Variants in PCDH15 observed in about 807,000 individuals in gnomAD.
PCDH15 encodes protocadherin-15.
PCDH15 carries 129 observed loss-of-function variants against 178.5 expected under a neutral mutation model. The observed-to-expected ratio is 0.72, with a 90% CI of 0.63 to 0.84. The LOEUF (loss-of-function observed/expected upper bound fraction) is 0.84. Ranked by LOEUF, PCDH15 falls within the 40% of genes least tolerant of loss-of-function variation. PCDH15 has a pLI of 0.00. For synonymous variants in PCDH15, 800 were observed against 732.0 expected (o/e 1.09, Z -1.50); for missense variants, 2,230 against 2,099.9 (o/e 1.06, Z -1.21).
intron 21 of PCDH15, among the ~76,000 whole-genome samples, chr10:53,983,181 CAGGAATTACTATAA>C (rs900778331): frequency 2.6e-5 from 4 of 151,748 alleles, no homozygotes; most frequent in South Asian, 2.1e-4. Flanking sequence ...GATTTAACAT[CAGGAATTACTATAA>C]AGGAATTACT....
In PCDH15 at chr10:54,730,198, C is replaced by A. The variant is rs1014909043; in HGVS notation, c.-28-65908G>T. On this transcript the variant is annotated intron_variant, in intron 1 of 37. Transcript: ENST00000644397. ...ATAAAGAAAATGTCATACATATATA[C>A]CATGGAATACTACACAGCCTTAAAT... Among the ~76,000 whole-genome samples the A allele has an allele frequency of 4.6e-5, 7 of 151,526 alleles. No homozygotes were observed. In the Admixed American group the frequency reaches 4.6e-4, roughly 10 times the overall value.
At chr10:55,207,227 A>G (rs1452949486) in intron 1 of PCDH15, among the ~76,000 whole-genome samples, 2 of 152,112 alleles carry the variant, frequency 1.3e-5, no homozygotes, top group Non-Finnish European at 2.9e-5. Context: ...AGCAGGAATA[A>G]GACATATATA....
Position 53,866,800 on chromosome 10 carries a change from G to T in PCDH15, c.3559C>A (p.Pro1187Thr), listed in dbSNP as rs1203212360. The T allele has an allele frequency of 1.2e-6, 2 of 1,613,140 alleles. No homozygotes were observed. Among genetic ancestry groups the T allele is most frequent in the Non-Finnish European group, 1.7e-6 (2 of 1,179,436 alleles). The change falls in exon 27 of 38, where the codon CCA becomes ACA. Residue 1187 changes from proline (P) to threonine (T), a missense_variant. Coordinates refer to ENST00000644397, the MANE Select transcript of PCDH15 (RefSeq NM_001384140.1). The stretch of plus-strand genomic sequence containing the variant: ...AATCCTTCTTTTCCCTCTTTAATTG[G>T]TGGTATTATGAGTCTGTAGGCCATG... ...SVMAYRLIIP[P>T]IKEGKEGFVV...
At chr10:54,857,382 T>C (rs1315955705) in intron 3 of PCDH15, among the ~76,000 whole-genome samples, 1 of 152,170 alleles carries the variant, frequency 6.6e-6, no homozygotes, top group Admixed American at 6.6e-5. Context: ...AGAAATAAAA[T>C]ATAAAATACT....
chr10:54,426,335 A>T (rs1308172592), intron 3 of PCDH15, among the ~76,000 whole-genome samples: 1 of 152,184 alleles, frequency 6.6e-6, no homozygotes, highest in Non-Finnish European at 1.5e-5. Flanking sequence ...CTGTTCCACC[A>T]CTCAGATCAT....
rs141118296 is a variant in PCDH15, at chr10:55,155,572, T to C, written c.-80+11004A>G. ...TCAGAAAAAGGAAGTACTTCAGGCT[T>C]CAGGCCTCATTTAGGGGCAAAGATA... On this transcript the variant is annotated intron_variant, in intron 2 of 5. Coordinates refer to the PCDH15 transcript ENST00000458638. Among the ~76,000 whole-genome samples, 34 of 151,936 alleles carry C rather than the reference T, an allele frequency of 2.2e-4. No individual in the cohort carries two copies. The East Asian group carries it at 5.0e-3, about 23-fold the overall frequency.
intron 3 of PCDH15, among the ~76,000 whole-genome samples, chr10:54,434,847 G>C (rs1364064492): frequency 6.6e-6 from 1 of 152,094 alleles, no homozygotes; most frequent in East Asian, 1.9e-4. Flanking sequence ...ACCAAGAATA[G>C]AAGACTTTTC....
At chr10:55,032,843 A>C (rs1840645421) in intron 2 of PCDH15, among the ~76,000 whole-genome samples, 1 of 152,058 alleles carries the variant, frequency 6.6e-6, no homozygotes, top group African/African-American at 2.4e-5. Flanking sequence ...CAAGTGAGGA[A>C]GAGCTCAGGT....
At chr10:55,011,776 G>A (rs978053033) in intron 2 of PCDH15, among the ~76,000 whole-genome samples, 18 of 151,418 alleles carry the variant, frequency 1.2e-4, no homozygotes, top group African/African-American at 2.9e-4. Context: ...TTTAAACATC[G>A]AAATGAAAAA....
chr10:53,810,540 A>T lies in PCDH15; in HGVS notation c.4671+16T>A. The T allele has an allele frequency of 6.2e-7, 1 of 1,601,158 alleles. No individual in the cohort carries two copies. The highest frequency in any genetic ancestry group is 8.6e-7 in the Non-Finnish European group (1 of 1,169,006). ...TCTTGGAATATTATCTTACATAATAAAATTACAGTAATTACCTCTTCCTCC... is the reference window on the plus strand; with the variant it reads ...TCTTGGAATATTATCTTACATAATATAATTACAGTAATTACCTCTTCCTCC... On this transcript the variant is annotated intron_variant, in intron 37 of 37. Coordinates refer to ENST00000644397, the MANE Select transcript of PCDH15 (RefSeq NM_001384140.1).
At chr10:55,252,940 GA>G (rs981707983) in intron 1 of PCDH15, among the ~76,000 whole-genome samples, 2 of 151,974 alleles carry the variant, frequency 1.3e-5, no homozygotes, top group Non-Finnish European at 2.9e-5. Context: ...AGCTAAAGGA[GA>G]AAAAAATTTT....
intron 23 of PCDH15, among the ~76,000 whole-genome samples, chr10:53,946,560 A>T (rs2086592937): frequency 1.3e-5 from 2 of 152,068 alleles, no homozygotes; most frequent in Non-Finnish European, 2.9e-5. Context: ...TTGTATTGTG[A>T]TATCTCATTT....
At chr10:55,541,689 G>A (rs1841763075) in intron 2 of PCDH15, among the ~76,000 whole-genome samples, 1 of 151,774 alleles carries the variant, frequency 6.6e-6, no homozygotes, top group Non-Finnish European at 1.5e-5. Flanking sequence ...TTTCAATAAA[G>A]CAAGGCTGAA....
chr10:53,818,819 A>C (rs2076153198), intron 33 of PCDH15, among the ~76,000 whole-genome samples: 1 of 152,040 alleles, frequency 6.6e-6, no homozygotes, highest in Non-Finnish European at 1.5e-5. Flanking sequence ...AATTATTACA[A>C]AGAGGCACAT....
chr10:53,839,212 A>G (rs2077495950), intron 29 of PCDH15, among the ~76,000 whole-genome samples: 1 of 151,174 alleles, frequency 6.6e-6, no homozygotes, highest in African/African-American at 2.4e-5. Flanking sequence ...CAAAAAAAAA[A>G]AAAAAAAAAA....
chr10:54,755,876 G>A (rs1947010040), intron 1 of PCDH15, among the ~76,000 whole-genome samples: 3 of 152,090 alleles, frequency 2.0e-5, no homozygotes, highest in South Asian at 2.1e-4. Flanking sequence ...ATTACAGTGC[G>A]TAGAGCACAA....
intron 3 of PCDH15, among the ~76,000 whole-genome samples, chr10:54,418,058 AGCCACTGTGCCCAGCCACAATT>A (rs1378455649): frequency 9.4e-4 from 143 of 152,254 alleles, no homozygotes; most frequent in South Asian, 4.8e-3. Context: ...GCAGGTGCCC[AGCCACTGTGCCCAGCCACAATT>A]GCCACTGTGC....
intron 6 of PCDH15, among the ~76,000 whole-genome samples, chr10:54,334,690 C>CAT (rs914092515): frequency 6.9e-6 from 1 of 145,524 alleles, no homozygotes; most frequent in African/African-American, 2.7e-5. Context: ...AGAACACACA[C>CAT]ACACACACAC....
intron 1 of PCDH15, among the ~76,000 whole-genome samples, chr10:55,249,855 ATAATT>A (rs1482931173): frequency 6.6e-6 from 1 of 152,008 alleles, no homozygotes; most frequent in African/African-American, 2.4e-5. Flanking sequence ...TGGTTTATTC[ATAATT>A]TAAAAGAAAG....
Sources: allele counts gnomAD v4.1 joint callset (sites outside exome capture counted in the v4.1 genomes callset), GRCh38; gene constraint gnomAD v4.1.1; transcripts MANE v1.5; gene names NCBI Gene and HGNC (gene_info 2026-07-23, HGNC 2026-07-21).